ZNF676: variants seen among roughly 807,000 people sequenced by gnomAD.
ZNF676 encodes the protein zinc finger protein 676.
Under a neutral mutation model 6.0 loss-of-function variants are expected in ZNF676, and 4 were observed. The observed-to-expected ratio is 0.67, with a 90% CI of 0.33 to 1.53. ZNF676 has a LOEUF of 1.53. Ranked by LOEUF, ZNF676 falls within the 40% of genes most tolerant of loss-of-function variation. The probability of loss-of-function intolerance (pLI) is 0.06; values close to 1 mark genes in which losing one functional copy is unlikely to be tolerated. For missense variants in ZNF676, 644 were observed against 679.7 expected (o/e 0.95, Z 0.58); for synonymous variants, 198 against 223.1 (o/e 0.89, Z 1.00).
intron 1 of ZNF676, among the ~76,000 whole-genome samples, chr19:22,202,671 T>C (rs889322352): frequency 7.9e-5 from 12 of 152,294 alleles, no homozygotes; most frequent in African/African-American, 2.9e-4. Context: ...GCTCAAGAGA[T>C]TGCAAAGACA....
chr19:22,212,175 G>A (rs539564574), intron 1 of ZNF676, among the ~76,000 whole-genome samples: 7 of 147,376 alleles, frequency 4.7e-5, no homozygotes, highest in African/African-American at 1.8e-4. Context: ...ACTCCAGCCT[G>A]GGTGACAGAG....
chr19:22,193,198 A>G, intron 1 of ZNF676, 87 bp from the exon 2 acceptor site: 1 of 1,330,344 alleles, frequency 7.5e-7, no homozygotes, highest in Non-Finnish European at 9.9e-7. Flanking sequence ...AGGATGTAAT[A>G]GAATATTCTA....
At chr19:22,258,369 G>T in the ZNF676 span, among the ~76,000 whole-genome samples, 56,761 of 151,880 alleles carry the variant, frequency 0.37, 11,247 homozygotes, top group Non-Finnish European at 0.45. Flanking sequence ...TCACAATGTT[G>T]TTTGAGAGCA....
chr19:22,193,171 T>C, intron 1 of ZNF676, 60 bp from the exon 2 acceptor site: 1 of 1,490,930 alleles, frequency 6.7e-7, no homozygotes, highest in Non-Finnish European at 9.0e-7. Flanking sequence ...ACCAACTTAG[T>C]AATGTGCTCA....
chr19:22,236,149 T>G, the ZNF676 span, among the ~76,000 whole-genome samples: 1 of 151,970 alleles, frequency 6.6e-6, no homozygotes, highest in African/African-American at 2.4e-5. Context: ...GGTTTTGATT[T>G]ACTATTTTCC....
intron 1 of ZNF676, among the ~76,000 whole-genome samples, chr19:22,207,657 CAAG>C (rs1260129802): frequency 6.6e-6 from 1 of 152,012 alleles, no homozygotes; most frequent in East Asian, 1.9e-4. Context: ...TAAGCAAAAA[CAAG>C]AAAGCTGGAG....
At chr19:22,211,529 C>T (rs2024129335) in intron 1 of ZNF676, among the ~76,000 whole-genome samples, 1 of 152,024 alleles carries the variant, frequency 6.6e-6, no homozygotes, top group African/African-American at 2.4e-5. Context: ...TTTTGTACCT[C>T]AGTAAGAGAA....
chr19:22,182,837 T>C (rs1409160092), intron 2 of ZNF676, among the ~76,000 whole-genome samples: 2 of 152,028 alleles, frequency 1.3e-5, no homozygotes, highest in Non-Finnish European at 2.9e-5. Context: ...CTAGGAAAGA[T>C]ATGCACACAC....
At chr19:22,191,561 GA>G (rs2023906913) in intron 2 of ZNF676, among the ~76,000 whole-genome samples, 1 of 152,086 alleles carries the variant, frequency 6.6e-6, no homozygotes, top group African/African-American at 2.4e-5. Context: ...AGTGACCTCA[GA>G]AATCCTCTCT....
Position 22,180,522 on chromosome 19 carries a change from C to A in ZNF676, c.1195G>T (p.Gly399Cys). Residue 399 changes from glycine to cysteine, a missense_variant, in exon 3 of 3, where the codon GGC (glycine) becomes TGC (cysteine). Coordinates refer to ENST00000397121, the MANE Select transcript of ZNF676 (RefSeq NM_001001411.3). ...EEKPYKCEECGKASNSSSKLM... is the reference protein window; with the variant it reads ...EEKPYKCEECCKASNSSSKLM... ...TTTGAGGATGAGTTGGAAGCTTTGCCACATTCTTCACATTTGTAGGGCTTC... is the reference window on the plus strand; with the variant it reads ...TTTGAGGATGAGTTGGAAGCTTTGCAACATTCTTCACATTTGTAGGGCTTC... The A allele has an allele frequency of 1.9e-6, 3 of 1,609,888 alleles. No homozygotes were observed. The highest frequency in any genetic ancestry group is 2.5e-6 in the Non-Finnish European group (3 of 1,179,506).
chr19:22,206,540 T>C (rs139649037), intron 1 of ZNF676, among the ~76,000 whole-genome samples: 51 of 152,120 alleles, frequency 3.4e-4, no homozygotes, highest in South Asian at 8.3e-4. Flanking sequence ...CTGGGCATGG[T>C]AGCACACACC....
intron 1 of ZNF676, among the ~76,000 whole-genome samples, chr19:22,211,910 C>T (rs1371134925): frequency 6.6e-6 from 1 of 152,066 alleles, no homozygotes; most frequent in Non-Finnish European, 1.5e-5. Context: ...ATAAAAAGCA[C>T]ACCTGAGGGC....
intron 1 of ZNF676, among the ~76,000 whole-genome samples, chr19:22,207,114 A>T (rs1304879753): frequency 6.6e-6 from 1 of 152,204 alleles, no homozygotes; most frequent in Non-Finnish European, 1.5e-5. Context: ...CAAAAGATAA[A>T]AATAAAAGGC....
chr19:22,211,305 G>T (rs2024127650), intron 1 of ZNF676, among the ~76,000 whole-genome samples: 1 of 152,064 alleles, frequency 6.6e-6, no homozygotes, highest in Non-Finnish European at 1.5e-5. Context: ...AGCAGGCTGG[G>T]ACATCTGCAG....
At chr19:22,240,675 C>A in the ZNF676 span, among the ~76,000 whole-genome samples, 1 of 151,876 alleles carries the variant, frequency 6.6e-6, no homozygotes, top group Non-Finnish European at 1.5e-5. Flanking sequence ...CTTCTGTAGT[C>A]CCAGCTACTC....
intron 1 of ZNF676, among the ~76,000 whole-genome samples, chr19:22,211,492 A>G (rs985796241): frequency 6.6e-6 from 1 of 152,230 alleles, no homozygotes; most frequent in African/African-American, 2.4e-5. Context: ...AACAGTGTTC[A>G]TATAAGAAAA....
At chr19:22,195,757 A>C (rs1466043961) in intron 1 of ZNF676, among the ~76,000 whole-genome samples, 9 of 152,246 alleles carry the variant, frequency 5.9e-5, no homozygotes, top group African/African-American at 2.2e-4. Context: ...CCAACGTAGA[A>C]TATAACCAAA....
chr19:22,252,184 CA>C, the ZNF676 span, among the ~76,000 whole-genome samples: 1 of 152,066 alleles, frequency 6.6e-6, no homozygotes, highest in East Asian at 1.9e-4. Flanking sequence ...TGCCTGAGAT[CA>C]AGAGTTCAAG....
chr19:22,204,065 T>A (rs929091353), intron 1 of ZNF676: 1 of 152,214 alleles, frequency 6.6e-6, no homozygotes, highest in African/African-American at 2.4e-5. Context: ...GCTTGCAACA[T>A]ACCTAACTGG....
Sources: gnomAD v4.1 joint callset for allele counts (sites outside exome capture counted in the v4.1 genomes callset) on GRCh38, gnomAD v4.1.1 for gene constraint, MANE v1.5 for transcripts, NCBI Gene and HGNC (gene_info 2026-07-23, HGNC 2026-07-21) for gene names.